Variants in RAB3C observed in about 807,000 individuals in gnomAD.
The protein encoded by RAB3C is ras-related protein Rab-3C.
A neutral mutation model predicts 26.4 loss-of-function variants in RAB3C; 17 were observed. That is an observed-to-expected ratio of 0.64 (90% CI 0.44 to 0.97). The LOEUF (loss-of-function observed/expected upper bound fraction) is 0.97, where lower values mean the gene tolerates loss of function less well. RAB3C is among the 50% of genes least tolerant of loss of function. The probability of loss-of-function intolerance (pLI) is 0.00; values close to 1 mark genes in which losing one functional copy is unlikely to be tolerated. For missense variants in RAB3C, 242 were observed against 281.9 expected (o/e 0.86, Z 1.01); for synonymous variants, 91 against 95.9 (o/e 0.95, Z 0.30).
intron 3 of RAB3C, among the ~76,000 whole-genome samples, chr5:58,805,480 G>C (rs1361993901): frequency 6.6e-6 from 1 of 151,684 alleles, no homozygotes; most frequent in Non-Finnish European, 1.5e-5. Context: ...ATCTACACAG[G>C]GGGCTGAAGC....
intron 2 of RAB3C, among the ~76,000 whole-genome samples, chr5:58,674,095 A>G (rs1748176448): frequency 1.3e-5 from 2 of 152,216 alleles, no homozygotes; most frequent in Admixed American, 1.3e-4. Context: ...TTTTCAGAAT[A>G]AAATCCGACT....
chr5:58,599,984 C>G (rs1746414915), intron 1 of RAB3C, among the ~76,000 whole-genome samples: 1 of 152,112 alleles, frequency 6.6e-6, no homozygotes, highest in Admixed American at 6.6e-5. Context: ...AGTTTCACGT[C>G]TTAGGTTTAA....
chr5:58,753,869 G>A (rs961843543), intron 3 of RAB3C, among the ~76,000 whole-genome samples: 8 of 152,176 alleles, frequency 5.3e-5, no homozygotes, highest in Admixed American at 2.0e-4. Flanking sequence ...GCTGCAGTGG[G>A]ACCCTTGCCT....
rs368935705 is a variant in RAB3C, at chr5:58,686,768, A to G, written c.253-39234A>G. 2.6e-5 allele frequency among the ~76,000 whole-genome samples: 4 copies of G among 152,188 alleles called. No homozygotes were observed. The East Asian group carries it at 5.8e-4, about 22-fold the overall frequency. ...TAATCAAATGGAAGTAAAAGGGAGG[A>G]CAGACTCTTATCAATAACTTTAATT... On this transcript the variant is annotated intron_variant, in intron 2 of 4. Coordinates refer to ENST00000282878, the MANE Select transcript of RAB3C (RefSeq NM_138453.4).
At chr5:58,665,131 A>G (rs1314054768) in intron 2 of RAB3C, among the ~76,000 whole-genome samples, 1 of 152,168 alleles carries the variant, frequency 6.6e-6, no homozygotes, top group Non-Finnish European at 1.5e-5. Context: ...AAAACAGCAC[A>G]CATATTTCTG....
intron 1 of RAB3C, among the ~76,000 whole-genome samples, chr5:58,595,638 C>T (rs1051070904): frequency 6.6e-6 from 1 of 152,078 alleles, no homozygotes; most frequent in Non-Finnish European, 1.5e-5. Context: ...AGATTTCTGG[C>T]CTCACTCTAA....
chr5:58,701,809 C>T (rs1409355083), intron 2 of RAB3C, among the ~76,000 whole-genome samples: 1 of 152,204 alleles, frequency 6.6e-6, no homozygotes, highest in Non-Finnish European at 1.5e-5. Flanking sequence ...TCTCCTGCCT[C>T]CTCCTTTCCC....
In RAB3C at chr5:58,852,251, A is replaced by G. The variant is rs1291887121; in HGVS notation, c.*900A>G. 6.6e-6 allele frequency: 1 copy of G among 152,046 alleles called. No homozygotes were observed. Among genetic ancestry groups the G allele is most frequent in the East Asian group, 1.9e-4 (1 of 5,176 alleles). The allele number at this position is 152,046 out of a possible 1,614,324, so 9.4% of individuals were successfully genotyped here. A position where few individuals can be genotyped will look rare whatever the true frequency, so the allele number is the denominator to read the frequency against. ...CAATGACTTGCCTTCCCCAACCCCC[A>G]TAATGCACACCACCACCACCATCAC... On this transcript the variant is annotated 3_prime_UTR_variant, in exon 5 of 5. Transcript: ENST00000282878.
intron 2 of RAB3C, among the ~76,000 whole-genome samples, chr5:58,702,250 C>A (rs375835434): frequency 6.6e-6 from 1 of 152,056 alleles, no homozygotes; most frequent in Non-Finnish European, 1.5e-5. Flanking sequence ...AAATGCTGTC[C>A]GTGACCCATT....
At chr5:58,696,282 C>T (rs897079868) in intron 2 of RAB3C, among the ~76,000 whole-genome samples, 3 of 152,136 alleles carry the variant, frequency 2.0e-5, no homozygotes, top group Non-Finnish European at 2.9e-5. Flanking sequence ...CCAACTTGAT[C>T]GTGGTGGATA....
chr5:58,593,951 T>G (rs1248231901), intron 1 of RAB3C, among the ~76,000 whole-genome samples: 7 of 152,160 alleles, frequency 4.6e-5, no homozygotes, highest in Non-Finnish European at 4.4e-5. Flanking sequence ...TTATGCCTCC[T>G]TGGCCTCCTA....
intron 3 of RAB3C, among the ~76,000 whole-genome samples, chr5:58,809,961 C>T (rs1479483940): frequency 3.3e-5 from 5 of 152,130 alleles, no homozygotes; most frequent in South Asian, 2.1e-4. Context: ...ACTGTTCTTC[C>T]GTTTCACATT....
chr5:58,811,230 G>T (rs541742158), intron 3 of RAB3C, among the ~76,000 whole-genome samples: 22 of 152,210 alleles, frequency 1.4e-4, no homozygotes, highest in Non-Finnish European at 2.9e-4. Context: ...GGCAACTGTG[G>T]AGCTTGGCCT....
intron 1 of RAB3C, among the ~76,000 whole-genome samples, chr5:58,612,564 GTA>G (rs1746738819): frequency 7.9e-6 from 1 of 126,672 alleles, no homozygotes; most frequent in African/African-American, 3.1e-5. Flanking sequence ...ATATATATAT[GTA>G]TATATATATT....
intron 3 of RAB3C, among the ~76,000 whole-genome samples, chr5:58,744,882 A>G (rs778048474): frequency 7.2e-5 from 11 of 152,172 alleles, no homozygotes; most frequent in Non-Finnish European, 1.5e-4. Context: ...CGTCAAAATG[A>G]ATTATATCCT....
intron 3 of RAB3C, among the ~76,000 whole-genome samples, chr5:58,747,513 T>A (rs1741425826): frequency 6.6e-6 from 1 of 152,160 alleles, no homozygotes; most frequent in Non-Finnish European, 1.5e-5. Context: ...ACCATCTGCC[T>A]CTTTCCTTTT....
At chr5:58,818,122 G>A (rs753542995) in intron 3 of RAB3C, among the ~76,000 whole-genome samples, 1 of 152,148 alleles carries the variant, frequency 6.6e-6, no homozygotes, top group African/African-American at 2.4e-5. Context: ...TCACTGAGGT[G>A]CATTTTGTGG....
chr5:58,731,182 G>A (rs293009), intron 3 of RAB3C, among the ~76,000 whole-genome samples: 80,607 of 151,856 alleles, frequency 0.53, 21,715 homozygotes, highest in Non-Finnish European at 0.58. Context: ...AGCAAGCAGC[G>A]AGCTAACAGA....
At chr5:58,807,483 C>A (rs562027619) in intron 3 of RAB3C, among the ~76,000 whole-genome samples, 6 of 152,272 alleles carry the variant, frequency 3.9e-5, no homozygotes, top group Non-Finnish European at 8.8e-5. Flanking sequence ...GTGGCTTAAG[C>A]AACAGACATT....
Sources: allele counts gnomAD v4.1 joint callset (sites outside exome capture counted in the v4.1 genomes callset), GRCh38; gene constraint gnomAD v4.1.1; transcripts MANE v1.5; gene names NCBI Gene and HGNC (gene_info 2026-07-23, HGNC 2026-07-21).